The following SYNE2 variants were observed in gnomAD, a reference collection of about 807,000 sequenced individuals.
The protein encoded by SYNE2 is spectrin repeat containing nuclear envelope protein 2.
In SYNE2, 431 loss-of-function variants were observed where a neutral mutation model predicts 856.3. The ratio of observed to expected loss-of-function variants is 0.50; its 90% confidence interval spans 0.47 to 0.55. The LOEUF (loss-of-function observed/expected upper bound fraction) is 0.55. Among genes scored for constraint, SYNE2 ranks in the 20% least tolerant of loss-of-function variants. SYNE2 has a pLI of 0.00. For synonymous variants in SYNE2, 2,923 were observed against 2,872.3 expected (o/e 1.02, Z -0.56); for missense variants, 8,129 against 8,023.2 (o/e 1.01, Z -0.50).
chr14:64,091,810 A>G (rs1220509519), intron 60 of SYNE2, among the ~76,000 whole-genome samples: 4 of 152,112 alleles, frequency 2.6e-5, no homozygotes, highest in African/African-American at 4.8e-5. Flanking sequence ...GTCTCCGTCA[A>G]CCTCCTGCAT....
At chr14:64,112,204 T>C (rs1314771297) in intron 65 of SYNE2, among the ~76,000 whole-genome samples, 2 of 152,240 alleles carry the variant, frequency 1.3e-5, no homozygotes, top group Admixed American at 6.5e-5. Context: ...CATTGAAGAA[T>C]GTGCATTTGA....
chr14:64,038,351 T>C (rs2097117458), intron 45 of SYNE2, among the ~76,000 whole-genome samples: 1 of 151,328 alleles, frequency 6.6e-6, no homozygotes, highest in South Asian at 2.1e-4. Context: ...GCTCCTCACT[T>C]TCCAGACTGG....
chr14:63,966,383 C>T (rs930795056), intron 10 of SYNE2, among the ~76,000 whole-genome samples: 5 of 151,596 alleles, frequency 3.3e-5, no homozygotes, highest in African/African-American at 9.7e-5. Context: ...ATTAGCTGGA[C>T]GTGGTGGTGC....
chr14:64,183,666 C>A (rs907789211), intron 96 of SYNE2, among the ~76,000 whole-genome samples: 4 of 152,210 alleles, frequency 2.6e-5, no homozygotes, highest in African/African-American at 9.6e-5. Context: ...GCAATCCCGG[C>A]ACCTCGGGAG....
At chr14:63,832,865 CCAAAAA>C (rs1889719026) in intron 1 of SYNE2, among the ~76,000 whole-genome samples, 1 of 66,636 alleles carries the variant, frequency 1.5e-5, no homozygotes, top group Non-Finnish European at 3.1e-5. Flanking sequence ...CCTGTCTCTA[CCAAAAA>C]AAAAAAAAAA....
At chr14:63,765,933 AG>A (rs1886665794) in intron 1 of SYNE2, among the ~76,000 whole-genome samples, 1 of 152,088 alleles carries the variant, frequency 6.6e-6, no homozygotes, top group Non-Finnish European at 1.5e-5. Context: ...TTGAGCCAAG[AG>A]ATTGAGGCTG....
At chr14:64,191,775 A>G (rs888237448) in intron 99 of SYNE2, among the ~76,000 whole-genome samples, 4 of 152,058 alleles carry the variant, frequency 2.6e-5, no homozygotes, top group African/African-American at 9.7e-5. Flanking sequence ...CAGTTGGGGG[A>G]AAAAAAACAA....
In SYNE2 at chr14:63,941,891, G is replaced by A; in HGVS notation, c.244G>A (p.Asp82Asn). The A allele has an allele frequency of 1.2e-6, 2 of 1,613,318 alleles. No homozygotes were observed. Among genetic ancestry groups the A allele is most frequent in the Non-Finnish European group, 1.7e-6 (2 of 1,179,904 alleles). The change falls in exon 5 of 116, where the codon GAT becomes AAT. Residue 82 changes from aspartate to asparagine, a missense_variant. Transcript: ENST00000555002. ...ATTTGCTTGAATTTCACAGCCTCGGGATAAAGGATCTAATACCTTCCAGTG... is the reference window on the plus strand; with the variant it reads ...ATTTGCTTGAATTTCACAGCCTCGGAATAAAGGATCTAATACCTTCCAGTG... ...EVLSGQQLPR[D>N]KGSNTFQCRI...
chr14:63,807,567 T>G (rs1315415843), intron 1 of SYNE2, among the ~76,000 whole-genome samples: 2 of 151,820 alleles, frequency 1.3e-5, no homozygotes, highest in Non-Finnish European at 2.9e-5. Flanking sequence ...AATAGTACAC[T>G]TGTATAAAAC....
rs768715249 is a variant in SYNE2, at chr14:64,158,789, C to A, written c.15957C>A (p.Asn5319Lys). Reference sequence around the variant, plus strand: ...AGACCTTGAGATGCCAGGTGGAGAACCTTCAGGTAAATTAACCAGAGCTTG... The same window carrying A: ...AGACCTTGAGATGCCAGGTGGAGAAACTTCAGGTAAATTAACCAGAGCTTG... The part of the protein sequence containing the change: ...SLETLRCQVE[N>K]LQSLQDEAES... Residue 5319 changes from asparagine to lysine, a missense_variant, in exon 86 of 116, where the codon AAC (asparagine) becomes AAA (lysine). Asn to Lys is a moderately conservative substitution (Grantham distance 94). Transcript: ENST00000555002. The A allele has an allele frequency of 8.1e-6, 13 of 1,613,708 alleles. No individual in the cohort carries two copies. The highest frequency in any genetic ancestry group is 2.2e-5 in the East Asian group (1 of 44,862).
chr14:63,897,028 G>A (rs994205893), intron 1 of SYNE2, among the ~76,000 whole-genome samples: 16 of 152,168 alleles, frequency 1.1e-4, no homozygotes, highest in African/African-American at 3.4e-4. Context: ...AAGGCAGGCA[G>A]ATCACCTGTC....
intron 85 of SYNE2, among the ~76,000 whole-genome samples, chr14:64,158,420 G>T (rs2098302906): frequency 1.3e-5 from 2 of 151,966 alleles, no homozygotes; most frequent in Admixed American, 1.3e-4. Context: ...CTGATCTTTG[G>T]GCTCTTTTTC....
intron 32 of SYNE2, among the ~76,000 whole-genome samples, chr14:64,011,238 G>A (rs1041653178): frequency 9.9e-5 from 15 of 152,188 alleles, no homozygotes; most frequent in African/African-American, 3.4e-4. Context: ...GATACCAGCT[G>A]TACAGTATGT....
At chr14:63,922,165 G>A (rs79703664) in intron 2 of SYNE2, among the ~76,000 whole-genome samples, 7,420 of 152,070 alleles carry the variant, frequency 0.049, 260 homozygotes, top group Non-Finnish European at 0.072. Flanking sequence ...CACCATGCCT[G>A]GCTAAATTTT....
At chr14:63,945,373 TA>T (rs1347988189) in intron 6 of SYNE2, among the ~76,000 whole-genome samples, 2 of 152,108 alleles carry the variant, frequency 1.3e-5, no homozygotes, top group Non-Finnish European at 2.9e-5. Context: ...GTAGAGTCTT[TA>T]ACACCATACA....
At chr14:63,942,379 C>T (rs929500179) in intron 6 of SYNE2, among the ~76,000 whole-genome samples, 7 of 152,008 alleles carry the variant, frequency 4.6e-5, no homozygotes, top group African/African-American at 1.2e-4. Flanking sequence ...AGTGCCGTGG[C>T]GCAGTCTTAA....
In SYNE2 at chr14:63,998,268, T is replaced by C; in HGVS notation, c.3293T>C (p.Leu1098Pro). ...KFSLASVLRP[L>P]QEESIMEKDY... ...AGCCTGGCATCAGTGTTAAGGCCTC[T>C]GCAAGAAGAAAGCATTATGGAAAAG... Residue 1098 changes from leucine (L) to proline (P), a missense_variant, in exon 26 of 116, where the codon CTG becomes CCG. Physicochemically the swap from Leu to Pro is moderately conservative, Grantham distance 98. Around this residue, in one of 3 missense-constraint regions of SYNE2, gnomAD observed 2,422 missense variants for 2,357.4 expected, o/e 1.03. Coordinates refer to ENST00000555002, the MANE Select transcript of SYNE2 (RefSeq NM_182914.3). 1 of 1,614,088 alleles carries C rather than the reference T, an allele frequency of 6.2e-7. No individual in the cohort carries two copies. Among genetic ancestry groups the C allele is most frequent in the Non-Finnish European group, 8.5e-7 (1 of 1,179,952 alleles).
chr14:64,091,181 C>T, intron 60 of SYNE2, 133 bp downstream of exon 60: 1 of 815,700 alleles, frequency 1.2e-6, no homozygotes, highest in Non-Finnish European at 2.0e-6. Context: ...AAAAGCATAT[C>T]TTCATGCTCA....
At chr14:63,976,013 T>A (rs1457502087) in intron 11 of SYNE2, among the ~76,000 whole-genome samples, 1 of 152,148 alleles carries the variant, frequency 6.6e-6, no homozygotes, top group East Asian at 1.9e-4. Flanking sequence ...TCTCACATGC[T>A]TGTGCATGCA....
Sources: allele counts gnomAD v4.1 joint callset (sites outside exome capture counted in the v4.1 genomes callset), GRCh38; gene constraint gnomAD v4.1.1; regional missense constraint gnomAD v4.1.1; transcripts MANE v1.5; gene names NCBI Gene and HGNC (gene_info 2026-07-23, HGNC 2026-07-21).